Variants in PLAG1 observed in about 807,000 individuals in gnomAD.
PLAG1 encodes the protein zinc finger protein PLAG1.
PLAG1 carries 7 observed loss-of-function variants against 35.5 expected under a neutral mutation model. That is an observed-to-expected ratio of 0.20 (90% confidence interval 0.11 to 0.37). PLAG1 has a LOEUF of 0.37. Among genes scored for constraint, PLAG1 ranks in the 10% least tolerant of loss-of-function variants. The probability of loss-of-function intolerance (pLI) is 1.00; values close to 1 mark genes in which losing one functional copy is unlikely to be tolerated. For synonymous variants in PLAG1, 229 were observed against 225.4 expected (o/e 1.02, Z -0.14); for missense variants, 454 against 602.8 (o/e 0.75, Z 2.58).
At chr8:56,169,561 CAG>C (rs1811457076) in intron 3 of PLAG1, among the ~76,000 whole-genome samples, 3 of 152,090 alleles carry the variant, frequency 2.0e-5, no homozygotes, top group South Asian at 4.1e-4. Context: ...TCTTTTGAGA[CAG>C]AGTCTCACTC....
At chr8:56,173,395 G>C (rs958705853) in intron 2 of PLAG1, among the ~76,000 whole-genome samples, 4 of 151,930 alleles carry the variant, frequency 2.6e-5, no homozygotes, top group African/African-American at 9.7e-5. Flanking sequence ...AGCAGGACTG[G>C]TTAGAAATTA....
intron 2 of PLAG1, among the ~76,000 whole-genome samples, chr8:56,178,215 T>A (rs1000581439): frequency 6.6e-6 from 1 of 152,154 alleles, no homozygotes; most frequent in Non-Finnish European, 1.5e-5. Flanking sequence ...ATGTTTAAAA[T>A]ATCAGAGGAA....
chr8:56,178,800 G>C (rs1241276291), intron 2 of PLAG1, among the ~76,000 whole-genome samples: 1 of 151,886 alleles, frequency 6.6e-6, no homozygotes, highest in Non-Finnish European at 1.5e-5. Flanking sequence ...CCAAATCCAC[G>C]TGTGCCTGGA....
chr8:56,171,123 A>G lies in PLAG1; in HGVS notation c.-150T>C. 12 of 980,890 alleles carry G rather than the reference A, an allele frequency of 1.2e-5. No individual in the cohort carries two copies. Among genetic ancestry groups the G allele is most frequent in the Non-Finnish European group, 1.3e-5 (11 of 825,458 alleles). The allele number at this position is 980,890 out of a possible 1,614,324, so 60.8% of individuals were successfully genotyped here. On this transcript the variant is annotated 5_prime_UTR_variant, in exon 3 of 5. Transcript: ENST00000316981. Reference sequence around the variant, plus strand: ...CTGATGGAAAAAGCCTCAGACTTTGATCTTAGCCAGTCCCATTGACTCTTC... The same window carrying G: ...CTGATGGAAAAAGCCTCAGACTTTGGTCTTAGCCAGTCCCATTGACTCTTC...
chr8:56,189,947 G>C (rs1197361668), intron 1 of PLAG1, among the ~76,000 whole-genome samples: 3 of 152,222 alleles, frequency 2.0e-5, no homozygotes, highest in African/African-American at 7.2e-5. Context: ...ACTGAAGGCT[G>C]AGAGCCACTG....
Position 56,161,642 on chromosome 8 carries a change from G to A in PLAG1, c.*4601C>T, listed in dbSNP as rs915470840. The stretch of plus-strand genomic sequence containing the variant: ...CAAGTGCACATGAATACATTGTGGT[G>A]GTGTAAAAGTTTGTTAATGACAAAT... On this transcript the variant is annotated 3_prime_UTR_variant, in exon 5 of 5. Transcript: ENST00000316981. 4.4e-5 allele frequency: 10 copies of A among 227,410 alleles called. No homozygotes were observed. Among genetic ancestry groups the A allele is most frequent in the Non-Finnish European group, 7.0e-5 (8 of 114,184 alleles). The allele number at this position is 227,410 out of a possible 1,614,324, so 14.1% of individuals were successfully genotyped here.
rs34806294 is a variant in PLAG1, at chr8:56,186,682, TA to T, written c.-321-7170del. 6.3e-3 allele frequency among the ~76,000 whole-genome samples: 875 copies of T among 138,464 alleles called. 3 individuals carry two copies. Among genetic ancestry groups the T allele is most frequent in the Middle Eastern group, 0.019 (5 of 268 alleles). 90.8% of individuals were successfully genotyped at this position (138,464 alleles called of 152,430 possible). A position where few individuals can be genotyped will look rare whatever the true frequency, so the allele number is the denominator to read the frequency against. On this transcript the variant is annotated intron_variant, in intron 1 of 4. Coordinates refer to ENST00000316981, the MANE Select transcript of PLAG1 (RefSeq NM_002655.3). ...GCCACCATGTCCAGCTGGTTAGCAT[TA>T]AAAAAAAAAAAAAAAGTGACCTTCT...
intron 1 of PLAG1, among the ~76,000 whole-genome samples, chr8:56,201,626 A>G (rs1812555398): frequency 6.6e-6 from 1 of 152,212 alleles, no homozygotes; most frequent in African/African-American, 2.4e-5. Context: ...TACTACCCAA[A>G]TAACATATAA....
chr8:56,173,574 T>C (rs2129226271), intron 2 of PLAG1, among the ~76,000 whole-genome samples: 1 of 146,892 alleles, frequency 6.8e-6, no homozygotes, highest in African/African-American at 2.6e-5. Flanking sequence ...GGTACTCATG[T>C]TTTTCTTTTC....
chr8:56,204,178 A>G (rs1405322767), intron 1 of PLAG1, among the ~76,000 whole-genome samples: 1 of 151,932 alleles, frequency 6.6e-6, no homozygotes, highest in African/African-American at 2.4e-5. Context: ...AAGAAAAGGA[A>G]AGTGCTCATA....
intron 2 of PLAG1, 137 bp downstream of exon 2, chr8:56,179,272 G>A (rs1202018185): frequency 6.5e-6 from 1 of 152,882 alleles, no homozygotes. Context: ...CATACTGATA[G>A]ACCCTAAGAT....
intron 1 of PLAG1, among the ~76,000 whole-genome samples, chr8:56,189,324 G>A (rs1194817456): frequency 1.3e-5 from 2 of 152,144 alleles, no homozygotes; most frequent in Non-Finnish European, 2.9e-5. Context: ...TCTCTTTCTT[G>A]ACTTGGCCCA....
At chr8:56,209,508 G>C (rs1812787522) in intron 1 of PLAG1, 1 of 152,250 alleles carries the variant, frequency 6.6e-6, no homozygotes, top group Non-Finnish European at 1.5e-5. Context: ...AAAACCATAA[G>C]AAAAGAGAAG....
chr8:56,163,210 CTTTTT>C lies in PLAG1; in HGVS notation c.*3028_*3032del, dbSNP rs34779318. On this transcript the variant is annotated 3_prime_UTR_variant, in exon 5 of 5. Transcript: ENST00000316981. ...AACTACTTTTATTTAATGTTAATCC[CTTTTT>C]TTTTTTTTTTTTTTTTTTTTTAACC... is the stretch of plus-strand genomic sequence containing the variant. 1.7e-3 allele frequency: 170 copies of C among 97,188 alleles called. No homozygotes were observed. Among genetic ancestry groups the C allele is most frequent in the Middle Eastern group, 0.017 (3 of 174 alleles). 6.0% of individuals were successfully genotyped at this position (97,188 alleles called of 1,614,324 possible).
intron 1 of PLAG1, among the ~76,000 whole-genome samples, chr8:56,196,949 TGC>T (rs528064089): frequency 0.027 from 2,966 of 107,898 alleles, 127 homozygotes; most frequent in African/African-American, 0.093. Context: ...CTCCCTAGTG[TGC>T]GTGTGTGTGT....
At chr8:56,200,589 G>A (rs191336599) in intron 1 of PLAG1, among the ~76,000 whole-genome samples, 2 of 152,240 alleles carry the variant, frequency 1.3e-5, no homozygotes, top group African/African-American at 4.8e-5. Flanking sequence ...CATTCCTCAG[G>A]CTGGTAATAA....
chr8:56,176,965 C>G (rs1322812771), intron 2 of PLAG1, among the ~76,000 whole-genome samples: 2 of 152,162 alleles, frequency 1.3e-5, no homozygotes, highest in Admixed American at 6.5e-5. Context: ...GATTTCATGT[C>G]TGAACTGTCA....
At position 56,187,465 on chromosome 8, in the gene PLAG1, A is replaced by T. The variant is rs575598893; in HGVS notation, c.-321-7952T>A. Among the ~76,000 whole-genome samples the T allele has an allele frequency of 1.6e-4, 24 of 152,322 alleles. No individual in the cohort carries two copies. In the South Asian group the frequency reaches 4.6e-3, roughly 29 times the overall value. Reference sequence around the variant, plus strand: ...TCTGTGTAACTACTTTCAATGATGTATTTAGTCTCTCTTCAGCATTTTCCT... The same window carrying T: ...TCTGTGTAACTACTTTCAATGATGTTTTTAGTCTCTCTTCAGCATTTTCCT... On this transcript the variant is annotated intron_variant, in intron 1 of 4. Coordinates refer to ENST00000316981, the MANE Select transcript of PLAG1 (RefSeq NM_002655.3).
intron 1 of PLAG1, among the ~76,000 whole-genome samples, chr8:56,185,472 C>T (rs149935432): frequency 2.6e-5 from 4 of 151,856 alleles, no homozygotes; most frequent in African/African-American, 7.3e-5. Context: ...TACAGAAGTA[C>T]GAAAATAAAA....
Sources: allele counts gnomAD v4.1 joint callset (sites outside exome capture counted in the v4.1 genomes callset), GRCh38; gene constraint gnomAD v4.1.1; transcripts MANE v1.5; gene names NCBI Gene and HGNC (gene_info 2026-07-23, HGNC 2026-07-21).